The following MTUS1 variants were observed in gnomAD, a reference collection of about 807,000 sequenced individuals.
MTUS1 encodes microtubule associated scaffold protein 1.
A neutral mutation model predicts 120.8 loss-of-function variants in MTUS1; 109 were observed. The ratio of observed to expected loss-of-function variants is 0.90; its 90% confidence interval spans 0.77 to 1.06. The LOEUF is 1.06. Among genes scored for constraint, MTUS1 ranks in the 50% least tolerant of loss-of-function variants. The pLI is 0.00. For synonymous variants in MTUS1, 737 were observed against 550.5 expected (o/e 1.34, Z -4.74); for missense variants, 2,210 against 1,486.3 (o/e 1.49, Z -8.01).
At chr8:17,747,869 G>A (rs1020791899) in intron 2 of MTUS1, among the ~76,000 whole-genome samples, 1 of 152,182 alleles carries the variant, frequency 6.6e-6, no homozygotes, top group African/African-American at 2.4e-5. Context: ...AGGGCAAGGA[G>A]GAGCAAGACA....
intron 6 of MTUS1, among the ~76,000 whole-genome samples, chr8:17,702,599 G>T (rs752249576): frequency 1.3e-5 from 2 of 152,196 alleles, no homozygotes; most frequent in Non-Finnish European, 2.9e-5. Flanking sequence ...GACTATGTTA[G>T]ATGCCTCCTA....
chr8:17,762,495 T>C (rs74928646), intron 1 of MTUS1, among the ~76,000 whole-genome samples: 6,484 of 152,246 alleles, frequency 0.043, 174 homozygotes, highest in African/African-American at 0.078. Flanking sequence ...TCAAACTTAA[T>C]AGCCACCTCA....
At chr8:17,727,696 A>C (rs916786502) in intron 3 of MTUS1, among the ~76,000 whole-genome samples, 1 of 152,248 alleles carries the variant, frequency 6.6e-6, no homozygotes, top group Non-Finnish European at 1.5e-5. Flanking sequence ...TTACCAGGTC[A>C]TATCGTATTG....
intron 3 of MTUS1, among the ~76,000 whole-genome samples, chr8:17,731,173 C>T (rs190767996): frequency 6.6e-6 from 1 of 152,096 alleles, no homozygotes. Context: ...CAAAAACATA[C>T]TTATTTGTGG....
At position 17,654,522 on chromosome 8, in the gene MTUS1, G is replaced by T. The variant is rs554121903; in HGVS notation, c.3214+39C>A. On this transcript the variant is annotated intron_variant, in intron 10 of 14. Coordinates refer to ENST00000693296, the MANE Select transcript of MTUS1 (RefSeq NM_001363059.2). ...CTTAAAACATCATGTGGTTCCTTCA[G>T]ATTTTATTCTGTTTAAAGAGGAAAA... 9 of 1,306,950 alleles carry T rather than the reference G, an allele frequency of 6.9e-6. No homozygotes were observed. In the South Asian group the frequency reaches 1.1e-4, roughly 16 times the overall value. The allele number at this position is 1,306,950 out of a possible 1,614,324, so 81.0% of individuals were successfully genotyped here. A position where few individuals can be genotyped will look rare whatever the true frequency, so the allele number is the denominator to read the frequency against.
At chr8:17,673,306 C>A (rs1490604926) in intron 8 of MTUS1, among the ~76,000 whole-genome samples, 3 of 152,178 alleles carry the variant, frequency 2.0e-5, no homozygotes, top group African/African-American at 7.2e-5. Context: ...AAGTTTCCAT[C>A]TGTCTTAAAA....
intron 4 of MTUS1, among the ~76,000 whole-genome samples, chr8:17,717,514 C>T (rs953623073): frequency 3.3e-5 from 5 of 152,114 alleles, no homozygotes; most frequent in African/African-American, 1.2e-4. Flanking sequence ...TTTCTTGAAG[C>T]CGTATTTGAT....
chr8:17,714,894 C>CTTTATTTTTTTTT (rs1822017475), intron 5 of MTUS1, among the ~76,000 whole-genome samples: 2 of 55,172 alleles, frequency 3.6e-5, no homozygotes, highest in Non-Finnish European at 6.6e-5. Flanking sequence ...ACAAATAATG[C>CTTTATTTTTTTTT]TTTTTTTTTT....
intron 6 of MTUS1, among the ~76,000 whole-genome samples, chr8:17,690,119 ATGCATTT>A (rs1816660234): frequency 6.6e-6 from 1 of 152,230 alleles, no homozygotes; most frequent in Non-Finnish European, 1.5e-5. Context: ...TTTGCAAACT[ATGCATTT>A]GACAAAGATC....
intron 1 of MTUS1, among the ~76,000 whole-genome samples, chr8:17,792,319 G>T (rs1563402372): frequency 1.3e-5 from 2 of 152,102 alleles, no homozygotes; most frequent in Non-Finnish European, 2.9e-5. Flanking sequence ...ACCATATAAG[G>T]AGAAAATAGT....
At chr8:17,761,942 G>A (rs1017939758) in intron 1 of MTUS1, among the ~76,000 whole-genome samples, 29 of 152,134 alleles carry the variant, frequency 1.9e-4, no homozygotes, top group African/African-American at 6.8e-4. Context: ...CAAAAAAGAT[G>A]ACATTGGCAC....
chr8:17,719,401 T>C (rs4921810), intron 4 of MTUS1, among the ~76,000 whole-genome samples: 67,333 of 152,164 alleles, frequency 0.44, 15,792 homozygotes, highest in Middle Eastern at 0.62. Flanking sequence ...ATCTAAACTT[T>C]TGAATTTCAA....
intron 1 of MTUS1, among the ~76,000 whole-genome samples, chr8:17,798,224 C>A (rs2052402463): frequency 6.6e-6 from 1 of 152,156 alleles, no homozygotes; most frequent in Admixed American, 6.5e-5. Flanking sequence ...ATAGTATATA[C>A]CAGGCCCAGT....
rs1285035055 is a variant in MTUS1, at chr8:17,754,184, G to A, written c.1624C>T (p.Pro542Ser). The A allele has an allele frequency of 6.2e-7, 1 of 1,613,848 alleles. No individual in the cohort carries two copies. The highest frequency in any genetic ancestry group is 1.3e-5 in the African/African-American group (1 of 74,960). Reference protein sequence around the residue: ...PRPQQTSASSPSSVNSRQQTV... With the variant: ...PRPQQTSASSSSSVNSRQQTV... ...TGTTGTCTTGAATTCACTGATGAGG[G>A]TGATGAGGCACTGGTCTGCTGAGGT... Residue 542 changes from proline to serine, a missense_variant, in exon 2 of 15, where the codon CCC becomes TCC. Pro to Ser is a moderately conservative substitution (Grantham distance 74, BLOSUM62 -1). Transcript: ENST00000693296.
intron 8 of MTUS1, among the ~76,000 whole-genome samples, chr8:17,665,179 T>C (rs1056738788): frequency 1.9e-4 from 29 of 152,208 alleles, no homozygotes; most frequent in African/African-American, 7.0e-4. Context: ...TGCAGACAAG[T>C]GGTAGACCAG....
chr8:17,677,168 AG>A (rs1380098845), intron 7 of MTUS1, among the ~76,000 whole-genome samples: 1 of 152,244 alleles, frequency 6.6e-6, no homozygotes, highest in Non-Finnish European at 1.5e-5. Context: ...TTTCTAATGT[AG>A]AAATTAAAGC....
chr8:17,644,512 T>C lies in MTUS1; in HGVS notation c.*1414A>G, dbSNP rs1343547508. ...TCAGGATTAGGGGAGGTAATAAGTT[T>C]TGGAAAGAAACTGAAATGCAACCTG... On this transcript the variant is annotated 3_prime_UTR_variant, in exon 15 of 15. Coordinates refer to ENST00000693296, the MANE Select transcript of MTUS1 (RefSeq NM_001363059.2). 6.6e-6 allele frequency: 1 copy of C among 152,558 alleles called. No homozygotes were observed. Among genetic ancestry groups the C allele is most frequent in the African/African-American group, 2.4e-5 (1 of 41,446 alleles). The allele number at this position is 152,558 out of a possible 1,614,324, so 9.5% of individuals were successfully genotyped here.
intron 2 of MTUS1, 144 bp downstream of exon 2, chr8:17,753,573 A>C: frequency 3.3e-6 from 2 of 600,942 alleles, no homozygotes; most frequent in Non-Finnish European, 5.7e-6. Flanking sequence ...CCCAGTACTG[A>C]CAAGACAATG....
At chr8:17,738,094 A>C (rs2047058195) in intron 3 of MTUS1, among the ~76,000 whole-genome samples, 1 of 152,218 alleles carries the variant, frequency 6.6e-6, no homozygotes, top group African/African-American at 2.4e-5. Flanking sequence ...AAAGGAATTT[A>C]CTTTATTAAC....
Sources: gnomAD v4.1 joint callset for allele counts (sites outside exome capture counted in the v4.1 genomes callset) on GRCh38, gnomAD v4.1.1 for gene constraint, MANE v1.5 for transcripts, NCBI Gene and HGNC (gene_info 2026-07-23, HGNC 2026-07-21) for gene names.